Variants in TENT5D observed in about 807,000 individuals in gnomAD.
TENT5D encodes the protein cancer/testis antigen 112.
For missense variants in TENT5D, 191 were observed against 287.0 expected, an observed-to-expected ratio of 0.67 and a Z score of 2.42; for synonymous variants, 103 against 100.6, an observed-to-expected ratio of 1.02 and a Z score of -0.15.
chrX:80,423,827 CAG>C (rs1169313282), intron 1 of TENT5D, among the ~76,000 whole-genome samples: 7 of 111,453 alleles, frequency 6.3e-5, no homozygotes, highest in African/African-American at 2.0e-4. Context: ...CATTTCTATG[CAG>C]AGTCTTGTTC....
At chrX:80,389,114 G>A (rs1249857009) in intron 3 of TENT5D, among the ~76,000 whole-genome samples, 1 of 111,813 alleles carries the variant, frequency 8.9e-6, no homozygotes, top group Non-Finnish European at 1.9e-5. Flanking sequence ...ACTAAGGGCT[G>A]GGGAAGTGGT....
At chrX:80,435,013 G>T (rs986162073) in intron 1 of TENT5D, among the ~76,000 whole-genome samples, 1 of 110,073 alleles carries the variant, frequency 9.1e-6, no homozygotes, top group Non-Finnish European at 1.9e-5. Context: ...TCGATCTCCT[G>T]ACCTCATGAT....
intron 2 of TENT5D, among the ~76,000 whole-genome samples, chrX:80,442,000 A>G (rs1377437404): frequency 9.0e-6 from 1 of 111,342 alleles, no homozygotes; most frequent in Admixed American, 9.6e-5. Flanking sequence ...AAGTAAGAGC[A>G]GTTATATATG....
chrX:80,335,830 C>T (rs1929837725), intron 2 of TENT5D: 1 of 111,180 alleles, frequency 9.0e-6, no homozygotes, highest in Admixed American at 9.6e-5. Context: ...CGTTAAAAAG[C>T]TTCGTGATCC....
chrX:80,385,972 G>T (rs992317666), intron 3 of TENT5D, among the ~76,000 whole-genome samples: 5 of 112,114 alleles, frequency 4.5e-5, no homozygotes, highest in Non-Finnish European at 9.4e-5. Context: ...TACACTGTTG[G>T]TGGGACTGTA....
intron 3 of TENT5D, among the ~76,000 whole-genome samples, chrX:80,342,899 A>C (rs1199175019): frequency 9.0e-6 from 1 of 110,869 alleles, no homozygotes; most frequent in African/African-American, 3.3e-5. Flanking sequence ...TGTTTAAACC[A>C]CTAGCATTTT....
rs1420373173 is a variant in TENT5D at position 80,410,278 on chromosome X, A to T, written c.-141-28332A>T. Among the ~76,000 whole-genome samples, 5 of 103,136 alleles carry T rather than the reference A, an allele frequency of 4.8e-5. No individual in the cohort carries two copies. In the East Asian group the frequency reaches 1.6e-3, roughly 32 times the overall value. The allele number at this position is 103,136 out of a possible 115,157, so 89.6% of individuals were successfully genotyped here. On this transcript the variant is annotated intron_variant, in intron 3 of 4. Coordinates refer to the TENT5D transcript ENST00000538312. ...TAAACTAAAGAGCTTCTGCACAGCAAAAGAAACTACCATCAGAGTGAACAG... is the reference window on the plus strand; with the variant it reads ...TAAACTAAAGAGCTTCTGCACAGCATAAGAAACTACCATCAGAGTGAACAG...
At chrX:80,364,820 T>A (rs924353954) in intron 3 of TENT5D, among the ~76,000 whole-genome samples, 2 of 110,734 alleles carry the variant, frequency 1.8e-5, no homozygotes, top group East Asian at 5.6e-4. Flanking sequence ...TTTTTACTTT[T>A]ATTACTTTAA....
At chrX:80,398,781 TTATAATGCCAGTGCC>T (rs1260595302) in intron 3 of TENT5D, among the ~76,000 whole-genome samples, 4 of 111,029 alleles carry the variant, frequency 3.6e-5, no homozygotes, top group African/African-American at 1.3e-4. Context: ...TCTTTTTTTT[TTATAATGCCAGTGCC>T]TTGCTGTTTG....
intron 1 of TENT5D, among the ~76,000 whole-genome samples, chrX:80,428,239 G>C (rs1232458425): frequency 8.9e-6 from 1 of 111,776 alleles, no homozygotes. Flanking sequence ...AGCAAAGCTT[G>C]ATATTTGAGG....
rs1051937662 is a variant in TENT5D at position 80,360,471 on chromosome X, C to T, written c.-142+17907C>T. Among the ~76,000 whole-genome samples, 15 of 112,088 alleles carry T rather than the reference C, an allele frequency of 1.3e-4. 1 individual carries two copies. Among genetic ancestry groups the T allele is most frequent in the Admixed American group, 1.3e-3 (14 of 10,527 alleles). ...TTAGAAATTGTTGGTGCTAGCCATACTCAAACTGGCAAAATGTTATTTAAG... is the reference window on the plus strand; with the variant it reads ...TTAGAAATTGTTGGTGCTAGCCATATTCAAACTGGCAAAATGTTATTTAAG... On this transcript the variant is annotated intron_variant, in intron 3 of 4. Coordinates refer to the TENT5D transcript ENST00000538312.
chrX:80,344,357 T>A (rs1169602120), intron 3 of TENT5D, among the ~76,000 whole-genome samples: 2 of 111,117 alleles, frequency 1.8e-5, no homozygotes, highest in African/African-American at 6.6e-5. Flanking sequence ...TGTGTTAAAG[T>A]TTTTTGAGAA....
intron 3 of TENT5D, among the ~76,000 whole-genome samples, chrX:80,379,343 G>A (rs1322335735): frequency 9.1e-6 from 1 of 109,530 alleles, no homozygotes; most frequent in African/African-American, 3.3e-5. Context: ...TGCTGAATTC[G>A]GTTTGCCAGT....
chrX:80,393,376 TC>T (rs1931174843), intron 3 of TENT5D, among the ~76,000 whole-genome samples: 1 of 111,024 alleles, frequency 9.0e-6, no homozygotes, highest in Admixed American at 9.6e-5. Flanking sequence ...CCTTCTTTTT[TC>T]CCGTTTCTCT....
intron 2 of TENT5D, among the ~76,000 whole-genome samples, chrX:80,340,560 A>G (rs1235445295): frequency 9.0e-6 from 1 of 110,926 alleles, no homozygotes; most frequent in East Asian, 2.8e-4. Context: ...TCTTTGTTTT[A>G]TTACCCACAT....
intron 3 of TENT5D, among the ~76,000 whole-genome samples, chrX:80,352,134 C>T (rs1277366623): frequency 8.9e-6 from 1 of 112,197 alleles, no homozygotes; most frequent in African/African-American, 3.2e-5. Context: ...GTCAGGGACC[C>T]ACTTGAGGAG....
chrX:80,445,211 G>T (rs1337442731), exon 3 of TENT5D: 1 of 122,698 alleles, frequency 8.2e-6, no homozygotes. Flanking sequence ...TATTTTTAAA[G>T]AATTATATAT....
chrX:80,371,073 G>A (rs1328198139), intron 3 of TENT5D, among the ~76,000 whole-genome samples: 3 of 112,055 alleles, frequency 2.7e-5, no homozygotes, highest in African/African-American at 9.7e-5. Context: ...CATTCCCAAT[G>A]GAAGTGTATA....
intron 3 of TENT5D, among the ~76,000 whole-genome samples, chrX:80,401,710 T>A (rs1331278463): frequency 8.9e-6 from 1 of 112,271 alleles, no homozygotes; most frequent in Non-Finnish European, 1.9e-5. Context: ...CTCACATATA[T>A]TAATGTGTGA....
Sources: allele counts gnomAD v4.1 joint callset (sites outside exome capture counted in the v4.1 genomes callset), GRCh38; gene constraint gnomAD v4.1.1; transcripts MANE v1.5; gene names NCBI Gene and HGNC (gene_info 2026-07-23, HGNC 2026-07-21).